GRAMD4: variants seen among roughly 807,000 people sequenced by gnomAD.
The protein encoded by GRAMD4 is GRAM domain containing 4, also known as GRAM domain-containing protein 4.
A neutral mutation model predicts 83.9 loss-of-function variants in GRAMD4; 25 were observed. The observed-to-expected ratio is 0.30, with a 90% CI of 0.22 to 0.42. The LOEUF is 0.42. Ranked by LOEUF, GRAMD4 falls within the 10% of genes least tolerant of loss-of-function variation. The pLI is 1.00. For synonymous variants in GRAMD4, 336 were observed against 320.9 expected (o/e 1.05, Z -0.50); for missense variants, 593 against 788.7 (o/e 0.75, Z 2.97).
chr22:46,629,188 C>A (rs1025840501), intron 2 of GRAMD4, among the ~76,000 whole-genome samples: 8 of 152,110 alleles, frequency 5.3e-5, no homozygotes, highest in African/African-American at 1.9e-4. Context: ...GTGCTGAATG[C>A]AGGTCAGGCA....
intron 1 of GRAMD4, among the ~76,000 whole-genome samples, chr22:46,601,360 A>G (rs1004462651): frequency 6.6e-6 from 1 of 152,164 alleles, no homozygotes; most frequent in African/African-American, 2.4e-5. Context: ...GTGGGTCCTC[A>G]GAAAGGAATC....
intron 1 of GRAMD4, among the ~76,000 whole-genome samples, chr22:46,626,221 G>A (rs371959532): frequency 1.3e-5 from 2 of 152,234 alleles, no homozygotes; most frequent in African/African-American, 2.4e-5. Flanking sequence ...CCTAGCACAC[G>A]CATCTGCTGG....
At chr22:46,609,056 T>C (rs2081392499) in intron 1 of GRAMD4, among the ~76,000 whole-genome samples, 1 of 152,100 alleles carries the variant, frequency 6.6e-6, no homozygotes, top group African/African-American at 2.4e-5. Flanking sequence ...TGACCTATGA[T>C]TGTGCCATTG....
chr22:46,624,858 A>ATTTT (rs138482), intron 1 of GRAMD4, among the ~76,000 whole-genome samples: 1 of 116,722 alleles, frequency 8.6e-6, no homozygotes, highest in Non-Finnish European at 1.7e-5. Context: ...GTCCTGTGGG[A>ATTTT]TTTTTTTTTT....
intron 1 of GRAMD4, among the ~76,000 whole-genome samples, chr22:46,596,283 G>A (rs1341379975): frequency 2.0e-5 from 3 of 152,228 alleles, no homozygotes; most frequent in African/African-American, 7.2e-5. Flanking sequence ...ACATTTATGA[G>A]GCTGATAGCC....
Position 46,661,239 on chromosome 22 carries a change from G to T in GRAMD4, c.405-142G>T, listed in dbSNP as rs1028175520. ...GGATACGCTCGGAACCAGCATTTCA[G>T]CAGTGGAGACTCTGGAGAGAGCCCT... On this transcript the variant is annotated intron_variant, in intron 4 of 18. Coordinates refer to ENST00000406902, the MANE Select transcript of GRAMD4 (RefSeq NM_015124.5). 1.7e-5 allele frequency: 11 copies of T among 631,558 alleles called. No individual in the cohort carries two copies. The African/African-American group carries it at 1.8e-4, about 10-fold the overall frequency. The allele number at this position is 631,558 out of a possible 1,614,324, so 39.1% of individuals were successfully genotyped here. A position where few individuals can be genotyped will look rare whatever the true frequency, so the allele number is the denominator to read the frequency against.
chr22:46,618,661 G>T (rs1031772232), upstream of GRAMD4, among the ~76,000 whole-genome samples: 1 of 152,212 alleles, frequency 6.6e-6, no homozygotes, highest in African/African-American at 2.4e-5. This position sits in a 1 kb window ranked among gnomAD's most constrained non-coding sequence, Gnocchi z 5.8. Flanking sequence ...TGTGGAGAAG[G>T]CTTCGGGAGG....
chr22:46,647,039 G>C (rs1008819855), intron 3 of GRAMD4, among the ~76,000 whole-genome samples: 1 of 152,158 alleles, frequency 6.6e-6, no homozygotes, highest in African/African-American at 2.4e-5. Context: ...CCTCCCACGG[G>C]GCCCCTCCCA....
chr22:46,680,248 G>C (rs142792495), downstream of GRAMD4, among the ~76,000 whole-genome samples: 142 of 152,210 alleles, frequency 9.3e-4, 1 homozygote, highest in African/African-American at 3.2e-3. Context: ...GGTCCATCTG[G>C]ATGCTGAGAC....
Position 46,643,125 on chromosome 22 carries a change from A to ATCCT in GRAMD4, c.283+5168_283+5169insTTCC, listed in dbSNP as rs1416207724. On this transcript the variant is annotated intron_variant, in intron 3 of 18. Coordinates refer to ENST00000406902, the MANE Select transcript of GRAMD4 (RefSeq NM_015124.5). ...CATCCATCCATCCATCCATCCATGC[A>ATCCT]TCCATCCATGCATCCTTCCATCCAT... Among the ~76,000 whole-genome samples, 17 of 148,248 alleles carry ATCCT rather than the reference A, an allele frequency of 1.1e-4. 1 individual carries two copies. Among genetic ancestry groups the ATCCT allele is most frequent in the Admixed American group, 2.0e-4 (3 of 14,896 alleles).
chr22:46,632,882 G>A (rs575891822), intron 2 of GRAMD4, among the ~76,000 whole-genome samples: 2 of 152,194 alleles, frequency 1.3e-5, no homozygotes, highest in African/African-American at 4.8e-5. Context: ...GGTGCTGGGC[G>A]TGGCGGAGTT....
rs1245004957 is a variant in GRAMD4 at position 46,672,168 on chromosome 22, T to G, written c.1085-675T>G. Among the ~76,000 whole-genome samples the G allele has an allele frequency of 6.6e-6, 1 of 152,228 alleles. No homozygotes were observed. Among genetic ancestry groups the G allele is most frequent in the African/African-American group, 2.4e-5 (1 of 41,462 alleles). On this transcript the variant is annotated intron_variant, in intron 13 of 18. Coordinates refer to ENST00000406902, the MANE Select transcript of GRAMD4 (RefSeq NM_015124.5). This position sits in a 1 kb window ranked among gnomAD's most constrained non-coding sequence, Gnocchi z 4.7. ...GGGGGCCGGCCCCGCCTCCCATCCC[T>G]GCATCTGTTGCCAGGTGGGGTCCTG...
At chr22:46,595,008 A>C (rs2147024280) in intron 1 of GRAMD4, among the ~76,000 whole-genome samples, 1 of 152,228 alleles carries the variant, frequency 6.6e-6, no homozygotes, top group East Asian at 1.9e-4. Flanking sequence ...GTGCCCAGTC[A>C]CCGAGGTACC....
At chr22:46,587,058 G>A (rs79627293) in intron 1 of GRAMD4, among the ~76,000 whole-genome samples, 13,320 of 152,212 alleles carry the variant, frequency 0.088, 734 homozygotes, top group East Asian at 0.29. Flanking sequence ...CTACTTCCTC[G>A]CATGCTTTCT....
At chr22:46,654,489 C>T (rs938204226) in intron 3 of GRAMD4, among the ~76,000 whole-genome samples, 3 of 152,162 alleles carry the variant, frequency 2.0e-5, no homozygotes, top group African/African-American at 7.2e-5. Flanking sequence ...GTGCCAGAGC[C>T]GGCCCTCAAG....
intron 3 of GRAMD4, among the ~76,000 whole-genome samples, chr22:46,650,041 G>A (rs2082141028): frequency 6.6e-6 from 1 of 152,218 alleles, no homozygotes; most frequent in Non-Finnish European, 1.5e-5. Flanking sequence ...GTGGCCAGGT[G>A]GGGCCTCTGG....
At position 46,676,599 on chromosome 22, in the gene GRAMD4, G is replaced by A; in HGVS notation, c.1564-1G>A. ...GGTGACGGCCACGCTTTGCCTTTCA[G>A]TACAAGGTCCTGTCTGTCCTCCCAG... On this transcript the variant is annotated splice_acceptor_variant, in intron 17 of 18. Transcript: ENST00000406902. LOFTEE classifies it high-confidence loss of function. The A allele has an allele frequency of 6.5e-7, 1 of 1,549,382 alleles. No homozygotes were observed. Among genetic ancestry groups the A allele is most frequent in the Non-Finnish European group, 8.7e-7 (1 of 1,146,884 alleles).
At chr22:46,620,384 G>C (rs2081556207), upstream of GRAMD4, 1 of 985,286 alleles carries the variant, frequency 1.0e-6, no homozygotes, top group South Asian at 4.7e-5. The surrounding 1 kb of genome is among the most constrained non-coding windows in gnomAD (Gnocchi z 4.7). Context: ...CCCTGCTCTG[G>C]TGCACAGGAC....
intron 3 of GRAMD4, among the ~76,000 whole-genome samples, chr22:46,644,281 A>ATGTTACACCTGTCCCTGTTCCG (rs1569284774): frequency 2.0e-5 from 3 of 147,706 alleles, no homozygotes; most frequent in Admixed American, 6.7e-5. Flanking sequence ...TCCCTGTTCC[A>ATGTTACACCTGTCCCTGTTCCG]TGTTACACCT....
Sources: allele counts gnomAD v4.1 joint callset (sites outside exome capture counted in the v4.1 genomes callset), GRCh38; gene constraint gnomAD v4.1.1; non-coding constraint Gnocchi (gnomAD v3.1); transcripts MANE v1.5; gene names NCBI Gene and HGNC (gene_info 2026-07-23, HGNC 2026-07-21).